The following PCYT1A variants were observed in gnomAD, a reference collection of about 807,000 sequenced individuals.
PCYT1A encodes choline-phosphate cytidylyltransferase A.
In PCYT1A, 25 loss-of-function variants were observed where a neutral mutation model predicts 43.7. The observed-to-expected ratio is 0.57, with a 90% CI of 0.42 to 0.80. PCYT1A has a LOEUF of 0.80. Among genes scored for constraint, PCYT1A ranks in the 30% least tolerant of loss-of-function variants. PCYT1A has a pLI of 0.00. For missense variants in PCYT1A, 421 were observed against 474.2 expected, an observed-to-expected ratio of 0.89 and a Z score of 1.04; for synonymous variants, 172 against 170.7, an observed-to-expected ratio of 1.01 and a Z score of -0.06.
rs147758207 is a variant in PCYT1A, at chr3:196,260,571, G to A, written c.118-2684C>T. ...AGAAAAAAACAACTATGTCAGGCAC[G>A]GTAACTCACGCCTGTAATCCCAGCA... On this transcript the variant is annotated intron_variant, in intron 2 of 8. Coordinates refer to ENST00000431016, the MANE Select transcript of PCYT1A (RefSeq NM_001312673.2). Among the ~76,000 whole-genome samples the A allele has an allele frequency of 1.7e-4, 26 of 152,262 alleles. No homozygotes were observed. The East Asian group carries it at 4.1e-3, about 24-fold the overall frequency.
At chr3:196,280,166 A>G (rs1430060134) in intron 1 of PCYT1A, among the ~76,000 whole-genome samples, 1 of 152,084 alleles carries the variant, frequency 6.6e-6, no homozygotes, top group Non-Finnish European at 1.5e-5. Context: ...CTTATTGCAA[A>G]CAGACCTACC....
At chr3:196,269,608 G>T (rs907638818) in intron 2 of PCYT1A, among the ~76,000 whole-genome samples, 7 of 152,096 alleles carry the variant, frequency 4.6e-5, no homozygotes, top group African/African-American at 1.7e-4. Flanking sequence ...GATGGGATAG[G>T]CAGTGTGGAA....
At position 196,239,868 on chromosome 3, in the gene PCYT1A, A is replaced by G. The variant is rs1004953059; in HGVS notation, c.709-133T>C. On this transcript the variant is annotated intron_variant, in intron 7 of 8. Transcript: ENST00000431016. ...CTAGAATTTTGCTTTGCTTTAATCTACCCCACTCTCAGCATAATAACAGAT... is the reference window on the plus strand; with the variant it reads ...CTAGAATTTTGCTTTGCTTTAATCTGCCCCACTCTCAGCATAATAACAGAT... 4 of 646,646 alleles carry G rather than the reference A, an allele frequency of 6.2e-6. No individual in the cohort carries two copies. The African/African-American group carries it at 7.3e-5, about 12-fold the overall frequency. 40.1% of individuals were successfully genotyped at this position (646,646 alleles called of 1,614,324 possible). A position where few individuals can be genotyped will look rare whatever the true frequency, so the allele number is the denominator to read the frequency against.
Position 196,241,996 on chromosome 3 carries a change from G to T in PCYT1A, c.660C>A (p.Asn220Lys). 1 of 1,614,142 alleles carries T rather than the reference G, an allele frequency of 6.2e-7. No individual in the cohort carries two copies. Among genetic ancestry groups the T allele is most frequent in the Admixed American group, 1.7e-5 (1 of 60,010 alleles). The change falls in exon 7 of 9, where the codon AAC becomes AAA. Residue 220 changes from asparagine to lysine, a missense_variant. Physicochemically the swap from Asn to Lys is moderately conservative, Grantham distance 94. Around this residue, in one of 3 missense-constraint regions of PCYT1A, gnomAD observed 174 missense variants for 270.7 expected, o/e 0.64. Transcript: ENST00000431016. ...CCTTTGCTGTGTAGCCCCTCTGCAGGTTCCGCCTCGCATACACATCATAAT... is the reference window on the plus strand; with the variant it reads ...CCTTTGCTGTGTAGCCCCTCTGCAGTTTCCGCCTCGCATACACATCATAAT... The part of the protein sequence containing the change: ...VRDYDVYARR[N>K]LQRGYTAKEL...
intron 2 of PCYT1A, among the ~76,000 whole-genome samples, chr3:196,260,816 G>A (rs1309915144): frequency 6.6e-6 from 1 of 152,018 alleles, no homozygotes; most frequent in Non-Finnish European, 1.5e-5. Flanking sequence ...TACTCGTCTG[G>A]GAGATAGAGA....
chr3:196,241,819 G>T, intron 7 of PCYT1A, 129 bp downstream of exon 7: 2 of 1,224,228 alleles, frequency 1.6e-6, no homozygotes, highest in Non-Finnish European at 2.4e-6. Flanking sequence ...TAACATAGTG[G>T]TAATTCATTC....
chr3:196,286,565 C>A (rs1725919294), intron 1 of PCYT1A, among the ~76,000 whole-genome samples: 3 of 152,220 alleles, frequency 2.0e-5, no homozygotes, highest in Non-Finnish European at 2.9e-5. Context: ...ACAATACTTA[C>A]CCTTACTATG....
rs1173456062 is a variant in PCYT1A, at chr3:196,277,507, C to A, written c.-10-6966G>T. 6.6e-6 allele frequency among the ~76,000 whole-genome samples: 1 copy of A among 152,168 alleles called. No individual in the cohort carries two copies. The highest frequency in any genetic ancestry group is 1.9e-4 in the East Asian group (1 of 5,196). ...GGTCACAGATATTCCATAATGATAA[C>A]CCTAAAAGAATTTAGAAATTATGCA... On this transcript the variant is annotated intron_variant, in intron 1 of 8. Transcript: ENST00000431016. This position sits in a 1 kb window ranked among gnomAD's most constrained non-coding sequence, Gnocchi z 4.1.
chr3:196,245,329 A>G (rs1236110759), intron 5 of PCYT1A, among the ~76,000 whole-genome samples: 1 of 152,082 alleles, frequency 6.6e-6, no homozygotes, highest in Admixed American at 6.6e-5. Flanking sequence ...TTTAGTAGAC[A>G]GGGTTTCACC....
intron 1 of PCYT1A, among the ~76,000 whole-genome samples, chr3:196,276,273 G>C (rs1033430849): frequency 2.6e-5 from 4 of 151,886 alleles, no homozygotes; most frequent in Non-Finnish European, 5.9e-5. Flanking sequence ...GTATCACATT[G>C]TATCCCATAA....
In PCYT1A at chr3:196,238,856, C is replaced by T; in HGVS notation, c.936G>A (p.Gln312=). Residue 312 remains glutamine (Q), a synonymous_variant, in exon 9 of 9, where the codon CAG becomes CAA. Transcript: ENST00000431016. The part of the protein sequence containing the change: ...MLKEGKGRML[Q]AISPKQSPSS... ...TGGGGCTCTGCTTCGGGCTGATGGCCTGCAGCATCCGGCCCTTCCCCTCTT... is the reference window on the plus strand; with the variant it reads ...TGGGGCTCTGCTTCGGGCTGATGGCTTGCAGCATCCGGCCCTTCCCCTCTT... 1 of 1,506,888 alleles carries T rather than the reference C, an allele frequency of 6.6e-7. No individual in the cohort carries two copies. The highest frequency in any genetic ancestry group is 8.9e-7 in the Non-Finnish European group (1 of 1,127,334). 93.3% of individuals were successfully genotyped at this position (1,506,888 alleles called of 1,614,324 possible). A position where few individuals can be genotyped will look rare whatever the true frequency, so the allele number is the denominator to read the frequency against.
At chr3:196,245,724 T>G (rs1008967158) in intron 5 of PCYT1A, among the ~76,000 whole-genome samples, 2 of 151,850 alleles carry the variant, frequency 1.3e-5, no homozygotes, top group African/African-American at 4.8e-5. Flanking sequence ...GGAGGCCGGG[T>G]GGATCACCTG....
intron 3 of PCYT1A, among the ~76,000 whole-genome samples, chr3:196,253,863 G>A (rs1724873887): frequency 6.6e-6 from 1 of 151,282 alleles, no homozygotes; most frequent in Non-Finnish European, 1.5e-5. Flanking sequence ...ACACACCCCT[G>A]ATTTAATGTA....
chr3:196,244,348 T>C (rs959960515), intron 5 of PCYT1A, among the ~76,000 whole-genome samples: 4 of 147,240 alleles, frequency 2.7e-5, no homozygotes, highest in Non-Finnish European at 6.0e-5. Flanking sequence ...CGCCATCCCG[T>C]CTAGGAAGTG....
intron 8 of PCYT1A, among the ~76,000 whole-genome samples, 171 bp from the exon 9 acceptor site, chr3:196,239,065 T>A (rs1724271999): frequency 6.6e-6 from 1 of 152,208 alleles, no homozygotes. Flanking sequence ...TCTAGGATTA[T>A]TCTAATTTAT....
chr3:196,280,178 A>C (rs1369868222), intron 1 of PCYT1A, among the ~76,000 whole-genome samples: 1 of 152,176 alleles, frequency 6.6e-6, no homozygotes. Context: ...AGACCTACCA[A>C]GGGAAAGAGG....
chr3:196,286,868 C>T (rs1378433838), intron 1 of PCYT1A, among the ~76,000 whole-genome samples: 1 of 152,182 alleles, frequency 6.6e-6, no homozygotes, highest in Non-Finnish European at 1.5e-5. Context: ...GAGCTGAGAT[C>T]GCGCCACTGC....
chr3:196,257,352 C>G (rs1661902023), intron 3 of PCYT1A, among the ~76,000 whole-genome samples: 1 of 152,156 alleles, frequency 6.6e-6, no homozygotes, highest in African/African-American at 2.4e-5. Context: ...ACGAGCATCT[C>G]CCAACTTGGG....
rs1031077406 is a variant in PCYT1A at position 196,277,275 on chromosome 3, G to C, written c.-10-6734C>G. ...TTTCTTTACCTGCTTACACTATTAT[G>C]TGTTTATACTATTCCTTATCTGCTT... On this transcript the variant is annotated intron_variant, in intron 1 of 8. Transcript: ENST00000431016. The surrounding 1 kb of genome is among the most constrained non-coding windows in gnomAD (Gnocchi z 4.1). Among the ~76,000 whole-genome samples the C allele has an allele frequency of 6.6e-6, 1 of 152,056 alleles. No homozygotes were observed. Among genetic ancestry groups the C allele is most frequent in the Non-Finnish European group, 1.5e-5 (1 of 68,008 alleles).
Sources: gnomAD v4.1 joint callset for allele counts (sites outside exome capture counted in the v4.1 genomes callset) on GRCh38, gnomAD v4.1.1 for gene constraint, gnomAD v4.1.1 regional missense constraint, Gnocchi (gnomAD v3.1) non-coding constraint, MANE v1.5 for transcripts, NCBI Gene and HGNC (gene_info 2026-07-23, HGNC 2026-07-21) for gene names.